Variants in KIAA0319 observed in about 807,000 individuals in gnomAD.
The protein encoded by KIAA0319 is dyslexia-associated protein KIAA0319.
In KIAA0319, 83 loss-of-function variants were observed where a neutral mutation model predicts 108.4. That is an observed-to-expected ratio of 0.77 (90% CI 0.64 to 0.92). KIAA0319 has a LOEUF of 0.92. Ranked by LOEUF, KIAA0319 falls within the 40% of genes least tolerant of loss-of-function variation. The pLI is 0.00. For missense variants in KIAA0319, 1,195 were observed against 1,322.4 expected (o/e 0.90, Z 1.49); for synonymous variants, 484 against 510.4 (o/e 0.95, Z 0.70).
Position 24,572,696 on chromosome 6 carries a change from T to C in KIAA0319, c.1737A>G (p.Gly579=). The C allele has an allele frequency of 6.3e-7, 1 of 1,594,304 alleles. No individual in the cohort carries two copies. Residue 579 remains glycine (G), a splice_region_variant and synonymous_variant, in exon 11 of 21, where the codon GGA becomes GGG. Coordinates refer to ENST00000378214, the MANE Select transcript of KIAA0319 (RefSeq NM_014809.4). ...GSEGKHVVMQ[G]VQTPYLHLSA... is the part of the protein sequence containing the mutation. ...ATAAATGAAGGTATGGCGTCTGTAC[T>C]CCCTAAGTAATAGCAAATACAAAAA...
intron 1 of KIAA0319, among the ~76,000 whole-genome samples, chr6:24,614,354 A>C (rs987117383): frequency 2.0e-5 from 3 of 152,116 alleles, no homozygotes; most frequent in African/African-American, 7.2e-5. Context: ...CTCAAAAGCC[A>C]GTTATCTATG....
chr6:24,556,503 A>G, intron 18 of KIAA0319, 104 bp downstream of exon 18: 1 of 1,285,166 alleles, frequency 7.8e-7, no homozygotes, highest in Non-Finnish European at 1.1e-6. Context: ...AAGTCTCACT[A>G]TGTTGCCCAG....
At chr6:24,632,355 A>G (rs1287577113) in intron 1 of KIAA0319, among the ~76,000 whole-genome samples, 1 of 151,828 alleles carries the variant, frequency 6.6e-6, no homozygotes, top group Non-Finnish European at 1.5e-5. Flanking sequence ...AGAATATTCT[A>G]GCTGAATCGG....
intron 1 of KIAA0319, among the ~76,000 whole-genome samples, chr6:24,613,691 A>C (rs971198883): frequency 4.0e-5 from 6 of 151,772 alleles, no homozygotes; most frequent in African/African-American, 1.5e-4. Context: ...AAAAAAAAAA[A>C]CAAAATGAGG....
chr6:24,636,623 C>T lies in KIAA0319; in HGVS notation c.-106+9113G>A, dbSNP rs553316242. 5.3e-5 allele frequency among the ~76,000 whole-genome samples: 8 copies of T among 152,190 alleles called. No homozygotes were observed. In the South Asian group the frequency reaches 1.4e-3, roughly 28 times the overall value. ...AAATCACTGATACTTTACAAAAAAA[C>T]TGTATGAGGACAATGACCCAAAGAA... On this transcript the variant is annotated intron_variant, in intron 1 of 20. Transcript: ENST00000378214.
intron 17 of KIAA0319, 39 bp from the exon 18 acceptor site, chr6:24,556,768 A>G: frequency 6.3e-7 from 1 of 1,584,950 alleles, no homozygotes; most frequent in Non-Finnish European, 8.6e-7. Flanking sequence ...AGCATGCAGA[A>G]AAGGGAATCC....
intron 8 of KIAA0319, among the ~76,000 whole-genome samples, chr6:24,579,393 G>A (rs1400148523): frequency 1.5e-5 from 2 of 131,250 alleles, no homozygotes; most frequent in Non-Finnish European, 3.1e-5. Context: ...GTCAGGTCAC[G>A]GGAGCTCCTC....
Position 24,596,584 on chromosome 6 carries a change from T to C in KIAA0319, c.90A>G (p.Thr30=). The C allele has an allele frequency of 6.2e-7, 1 of 1,612,642 alleles. No individual in the cohort carries two copies. The highest frequency in any genetic ancestry group is 8.5e-7 in the Non-Finnish European group (1 of 1,179,214). The change falls in exon 3 of 21, where the codon ACA becomes ACG. Residue 30 remains threonine (T), a synonymous_variant. Coordinates refer to ENST00000378214, the MANE Select transcript of KIAA0319 (RefSeq NM_014809.4). The part of the protein sequence containing the change: ...CARKQCSEGR[T]YSNAVISPNL... ...TAGGTGAAATGACTGCATTGGAATATGTCCTCCCCTCGCTGCACTGCTTAC... is the reference window on the plus strand; with the variant it reads ...TAGGTGAAATGACTGCATTGGAATACGTCCTCCCCTCGCTGCACTGCTTAC...
chr6:24,585,712 C>CT (rs1767371931), intron 4 of KIAA0319, among the ~76,000 whole-genome samples: 1 of 152,186 alleles, frequency 6.6e-6, no homozygotes, highest in East Asian at 1.9e-4. Flanking sequence ...GAAAGACCCC[C>CT]TTCCAGTTGT....
intron 18 of KIAA0319, 78 bp from the exon 19 acceptor site, chr6:24,554,709 C>CT: frequency 1.9e-6 from 2 of 1,049,866 alleles, no homozygotes; most frequent in Non-Finnish European, 2.9e-6. Flanking sequence ...TTCATAACAA[C>CT]TATTTCTGAA....
At chr6:24,591,662 GTA>G (rs1768489355) in intron 3 of KIAA0319, among the ~76,000 whole-genome samples, 1 of 152,110 alleles carries the variant, frequency 6.6e-6, no homozygotes, top group African/African-American at 2.4e-5. Context: ...CACCAGCAGT[GTA>G]TGAGAGTTCC....
intron 1 of KIAA0319, among the ~76,000 whole-genome samples, chr6:24,620,672 C>A (rs1482026299): frequency 6.6e-6 from 1 of 152,138 alleles, no homozygotes; most frequent in African/African-American, 2.4e-5. Context: ...TCTGCTCAAG[C>A]TTCCATAAAA....
In KIAA0319 at chr6:24,559,087, C is replaced by T. The variant is rs150777675; in HGVS notation, c.2660G>A (p.Arg887Gln). Residue 887 changes from arginine to glutamine, a missense_variant, in exon 17 of 21, where the codon CGA becomes CAA. Coordinates refer to ENST00000378214, the MANE Select transcript of KIAA0319 (RefSeq NM_014809.4). ...CTTTGAGAGCCGCATGTGCAGATTTCGGGCCACTTCAGCAGCTTTGAGAAC... is the reference window on the plus strand; with the variant it reads ...CTTTGAGAGCCGCATGTGCAGATTTTGGGCCACTTCAGCAGCTTTGAGAAC... ...FKVLKAAEVA[R>Q]NLHMRLSKEK... is the part of the protein sequence containing the mutation. 4.0e-5 allele frequency: 64 copies of T among 1,613,738 alleles called. No homozygotes were observed. The highest frequency in any genetic ancestry group is 2.5e-4 in the Admixed American group (15 of 59,988).
intron 1 of KIAA0319, among the ~76,000 whole-genome samples, chr6:24,618,225 C>T (rs1037301794): frequency 7.2e-5 from 11 of 152,086 alleles, no homozygotes; most frequent in Non-Finnish European, 1.5e-4. Context: ...GTTGTCAGTG[C>T]CACAGGTACT....
chr6:24,611,677 A>G (rs1193891836), intron 1 of KIAA0319, among the ~76,000 whole-genome samples: 1 of 152,222 alleles, frequency 6.6e-6, no homozygotes, highest in African/African-American at 2.4e-5. Context: ...AGAACTTTCA[A>G]ATTAATAAAA....
chr6:24,569,132 G>C (rs1371723155), intron 12 of KIAA0319, among the ~76,000 whole-genome samples: 1 of 152,210 alleles, frequency 6.6e-6, no homozygotes, highest in African/African-American at 2.4e-5. Context: ...AGAGTCTGCT[G>C]GATTACTGGG....
rs367885801 is a variant in KIAA0319 at position 24,603,602 on chromosome 6, CCT to C, written c.-105-2396_-105-2395del. Among the ~76,000 whole-genome samples, 92 of 152,294 alleles carry C rather than the reference CCT, an allele frequency of 6.0e-4. 1 individual carries two copies. The highest frequency in any genetic ancestry group is 1.9e-3 in the South Asian group (9 of 4,822). On this transcript the variant is annotated intron_variant, in intron 1 of 20. Coordinates refer to ENST00000378214, the MANE Select transcript of KIAA0319 (RefSeq NM_014809.4). ...TAGGAGGACAACACTCTTCCGCACC[CCT>C]GTTTCCAGAAGCACTGCAGTACTTT...
At chr6:24,592,241 T>G (rs956870340) in intron 3 of KIAA0319, among the ~76,000 whole-genome samples, 3 of 152,190 alleles carry the variant, frequency 2.0e-5, no homozygotes, top group African/African-American at 7.2e-5. Flanking sequence ...TTCATTCTTT[T>G]GCATGTAAAT....
intron 1 of KIAA0319, among the ~76,000 whole-genome samples, chr6:24,614,339 TCCAGCTCAAAAG>T (rs926213215): frequency 3.9e-5 from 6 of 152,142 alleles, no homozygotes; most frequent in Admixed American, 3.9e-4. Context: ...CCTGGAAATA[TCCAGCTCAAAAG>T]CCAGTTATCT....
Sources: gnomAD v4.1 joint callset for allele counts (sites outside exome capture counted in the v4.1 genomes callset) on GRCh38, gnomAD v4.1.1 for gene constraint, MANE v1.5 for transcripts, NCBI Gene and HGNC (gene_info 2026-07-23, HGNC 2026-07-21) for gene names.